ATP9B: variants seen among roughly 807,000 people sequenced by gnomAD.
ATP9B encodes the protein ATPase phospholipid transporting 9B.
ATP9B carries 110 observed loss-of-function variants against 146.1 expected under a neutral mutation model. The observed-to-expected ratio is 0.75, with a 90% CI of 0.65 to 0.88. The LOEUF (loss-of-function observed/expected upper bound fraction) is 0.88, where lower values mean the gene tolerates loss of function less well. Ranked by LOEUF, ATP9B falls within the 40% of genes least tolerant of loss-of-function variation. The pLI is 0.00. For missense variants in ATP9B, 1,499 were observed against 1,496.4 expected (o/e 1.00, Z -0.03); for synonymous variants, 604 against 569.7 (o/e 1.06, Z -0.86).
At chr18:79,314,009 G>A (rs577666438) in intron 15 of ATP9B, among the ~76,000 whole-genome samples, 2 of 152,154 alleles carry the variant, frequency 1.3e-5, no homozygotes, top group South Asian at 2.1e-4. Flanking sequence ...TTAGGTTGAC[G>A]GATGATAGTA....
intron 4 of ATP9B, among the ~76,000 whole-genome samples, chr18:79,114,655 C>T (rs1436788778): frequency 2.0e-5 from 3 of 152,106 alleles, no homozygotes; most frequent in African/African-American, 7.2e-5. Flanking sequence ...GTAATATAAA[C>T]ACGAAATTAC....
chr18:79,273,349 G>A (rs189174751), intron 12 of ATP9B, among the ~76,000 whole-genome samples: 94 of 152,246 alleles, frequency 6.2e-4, no homozygotes, highest in Non-Finnish European at 8.5e-4. Context: ...TTTGGGCGCC[G>A]GCCCTGCCTC....
chr18:79,141,676 A>G (rs2094516191), intron 5 of ATP9B, among the ~76,000 whole-genome samples: 1 of 152,158 alleles, frequency 6.6e-6, no homozygotes, highest in Admixed American at 6.6e-5. Flanking sequence ...AGGCCAGGTG[A>G]CAGTTGTGTG....
chr18:79,377,212 C>A, intron 29 of ATP9B, 35 bp from the exon 30 acceptor site: 1 of 1,607,590 alleles, frequency 6.2e-7, no homozygotes. Flanking sequence ...ACTTCTTGGT[C>A]AGCTCTTACC....
chr18:79,288,744 G>A lies in ATP9B; in HGVS notation c.1411+11548G>A, dbSNP rs1166734298. ...TTACAATTTGGCATGATTTTGCAGC[G>A]GCTGGTACCAGTTGTTCCTTTCCAT... On this transcript the variant is annotated intron_variant, in intron 13 of 29. Coordinates refer to ENST00000426216, the MANE Select transcript of ATP9B (RefSeq NM_198531.5). Among the ~76,000 whole-genome samples, 8 of 152,152 alleles carry A rather than the reference G, an allele frequency of 5.3e-5. No individual in the cohort carries two copies. The East Asian group carries it at 5.8e-4, about 11-fold the overall frequency.
At chr18:79,318,632 T>TA (rs975011024) in intron 15 of ATP9B, among the ~76,000 whole-genome samples, 1 of 152,234 alleles carries the variant, frequency 6.6e-6, no homozygotes, top group African/African-American at 2.4e-5. Flanking sequence ...TTTAAGCTTT[T>TA]AAAAATGGAA....
At chr18:79,280,875 A>G (rs1375001938) in intron 13 of ATP9B, among the ~76,000 whole-genome samples, 2 of 152,240 alleles carry the variant, frequency 1.3e-5, no homozygotes, top group African/African-American at 2.4e-5. Context: ...ATACTTTTAA[A>G]TAGCATACAT....
At chr18:79,152,522 A>G (rs1469970630) in intron 6 of ATP9B, among the ~76,000 whole-genome samples, 1 of 152,182 alleles carries the variant, frequency 6.6e-6, no homozygotes, top group Non-Finnish European at 1.5e-5. Flanking sequence ...TCTTCATTTA[A>G]GGTTAGTTTT....
chr18:79,101,038 C>A (rs977611974), intron 2 of ATP9B, among the ~76,000 whole-genome samples: 51 of 151,878 alleles, frequency 3.4e-4, no homozygotes, highest in African/African-American at 1.2e-3. Flanking sequence ...ATTTTTGACC[C>A]AGTTTACCCC....
chr18:79,231,803 T>TATATATATATATACACACACAC (rs569726473), intron 11 of ATP9B, among the ~76,000 whole-genome samples: 21 of 114,736 alleles, frequency 1.8e-4, no homozygotes, highest in African/African-American at 7.1e-4. Flanking sequence ...TATATATATA[T>TATATATATATATACACACACAC]ACACACACAC....
At chr18:79,092,476 CTTTT>C (rs967332736) in intron 1 of ATP9B, among the ~76,000 whole-genome samples, 1 of 151,972 alleles carries the variant, frequency 6.6e-6, no homozygotes, top group Admixed American at 6.6e-5. Flanking sequence ...CTTACTGGAA[CTTTT>C]TTACTTTGTA....
At chr18:79,132,576 T>G (rs548883720) in intron 5 of ATP9B, among the ~76,000 whole-genome samples, 5 of 152,214 alleles carry the variant, frequency 3.3e-5, no homozygotes, top group Non-Finnish European at 5.9e-5. Context: ...GATACAGATG[T>G]TTGATGAGTA....
At chr18:79,119,069 T>TCAAAAAAAAAAAAAAAA (rs1275458712) in intron 4 of ATP9B, among the ~76,000 whole-genome samples, 1 of 148,224 alleles carries the variant, frequency 6.7e-6, no homozygotes, top group African/African-American at 2.5e-5. Context: ...AGACCGTGTC[T>TCAAAAAAAAAAAAAAAA]TAAAAAAAAA....
At chr18:79,192,688 C>T (rs1327049507) in intron 8 of ATP9B, among the ~76,000 whole-genome samples, 1 of 152,174 alleles carries the variant, frequency 6.6e-6, no homozygotes, top group African/African-American at 2.4e-5. Context: ...GATTCAGACA[C>T]ACAGGACAAG....
chr18:79,122,331 T>C (rs1336849012), intron 4 of ATP9B, among the ~76,000 whole-genome samples: 1 of 152,208 alleles, frequency 6.6e-6, no homozygotes, highest in Admixed American at 6.5e-5. Context: ...TACGTGGGAA[T>C]AGCTGCAGAC....
rs560046505 is a variant in ATP9B, at chr18:79,365,745, G to A, written c.3012+6283G>A. Reference sequence around the variant, plus strand: ...GGACGGGGACAGCCCATGCGTGATGGAAGGACATCTCCGTGGACAGGGACA... The same window carrying A: ...GGACGGGGACAGCCCATGCGTGATGAAAGGACATCTCCGTGGACAGGGACA... On this transcript the variant is annotated intron_variant, in intron 26 of 29. Transcript: ENST00000426216. Among the ~76,000 whole-genome samples, 6 of 152,194 alleles carry A rather than the reference G, an allele frequency of 3.9e-5. No homozygotes were observed. In the East Asian group the frequency reaches 7.7e-4, roughly 20 times the overall value.
Position 79,123,937 on chromosome 18 carries a change from G to A in ATP9B, c.559-2330G>A, listed in dbSNP as rs78717205. Among the ~76,000 whole-genome samples the A allele has an allele frequency of 1.4e-3, 220 of 152,312 alleles. 3 individuals carry two copies. The highest frequency in any genetic ancestry group is 5.0e-3 in the African/African-American group (207 of 41,582). On this transcript the variant is annotated intron_variant, in intron 4 of 29. Transcript: ENST00000426216. ...TTGCTCAACGTCATTAGTCAGTAGA[G>A]GAATGCCAGTTAAAACCAGAGATAC...
At chr18:79,166,124 T>G (rs2094961017) in intron 7 of ATP9B, among the ~76,000 whole-genome samples, 1 of 152,172 alleles carries the variant, frequency 6.6e-6, no homozygotes, top group African/African-American at 2.4e-5. Context: ...CTGAGATGTC[T>G]GCAGCCTTCC....
chr18:79,193,147 T>C, intron 8 of ATP9B, 36 bp from the exon 9 acceptor site: 1 of 1,441,890 alleles, frequency 6.9e-7, no homozygotes, highest in Non-Finnish European at 9.7e-7. Context: ...TACTAAACTA[T>C]AACATTCTAA....
Sources: gnomAD v4.1 joint callset for allele counts (sites outside exome capture counted in the v4.1 genomes callset) on GRCh38, gnomAD v4.1.1 for gene constraint, MANE v1.5 for transcripts, NCBI Gene and HGNC (gene_info 2026-07-23, HGNC 2026-07-21) for gene names.